Variants in RNF217 observed in about 807,000 individuals in gnomAD.
The protein encoded by RNF217 is E3 ubiquitin-protein ligase RNF217.
Under a neutral mutation model 57.8 loss-of-function variants are expected in RNF217, and 31 were observed. That is an observed-to-expected ratio of 0.54 (90% CI 0.40 to 0.72). RNF217 has a LOEUF of 0.72. Ranked by LOEUF, RNF217 falls within the 30% of genes least tolerant of loss-of-function variation. The pLI is 0.00. For synonymous variants in RNF217, 313 were observed against 294.0 expected (o/e 1.06, Z -0.66); for missense variants, 696 against 708.3 (o/e 0.98, Z 0.20).
At chr6:125,050,091 A>G (rs1426581361) in intron 2 of RNF217, among the ~76,000 whole-genome samples, 1 of 151,776 alleles carries the variant, frequency 6.6e-6, no homozygotes, top group African/African-American at 2.4e-5. Flanking sequence ...GAGAGGAGAG[A>G]TGTGTAAAGG....
intron 2 of RNF217, among the ~76,000 whole-genome samples, chr6:125,054,842 C>T (rs1382646559): frequency 6.6e-6 from 1 of 152,112 alleles, no homozygotes; most frequent in Non-Finnish European, 1.5e-5. Flanking sequence ...AACAAGTTCT[C>T]AGGTGATGCT....
At chr6:124,973,043 ATAAT>A (rs1007513131) in intron 1 of RNF217, among the ~76,000 whole-genome samples, 5 of 152,336 alleles carry the variant, frequency 3.3e-5, no homozygotes, top group East Asian at 1.9e-4. Flanking sequence ...TATTCCACAA[ATAAT>A]TAATACAGTA....
In RNF217 at chr6:125,076,704, A is replaced by G. The variant is rs1429134076; in HGVS notation, c.1329A>G (p.Gln443=). 10 of 1,613,410 alleles carry G rather than the reference A, an allele frequency of 6.2e-6. No individual in the cohort carries two copies. Among genetic ancestry groups the G allele is most frequent in the Non-Finnish European group, 8.5e-6 (10 of 1,179,632 alleles). Residue 443 remains glutamine, a synonymous_variant, in exon 4 of 6, where the codon CAA becomes CAG. Coordinates refer to ENST00000521654, the MANE Select transcript of RNF217 (RefSeq NM_001286398.3). ...GATGTGACCATATGACCTGCTCACA[A>G]TGTAACACTAATTTTTGTTACCGAT... ...TEGCDHMTCS[Q]CNTNFCYRCG...
chr6:124,996,086 G>C (rs973616323), intron 1 of RNF217, among the ~76,000 whole-genome samples: 1 of 151,998 alleles, frequency 6.6e-6, no homozygotes, highest in Non-Finnish European at 1.5e-5. Flanking sequence ...AACCTGGCTT[G>C]GTATTGCCAA....
rs1275571349 is a variant in RNF217, at chr6:125,090,178, G to GTA, written c.*7250_*7251dup. Reference sequence around the variant, plus strand: ...TGAAACATAGAATAATAATTAGTTTGTATATATATAAAACCATTTACCTTG... The same window carrying GTA: ...TGAAACATAGAATAATAATTAGTTTGTATATATATATAAAACCATTTACCTTG... On this transcript the variant is annotated 3_prime_UTR_variant, in exon 6 of 6. Coordinates refer to ENST00000521654, the MANE Select transcript of RNF217 (RefSeq NM_001286398.3). The GTA allele has an allele frequency of 2.0e-5, 3 of 151,900 alleles. No individual in the cohort carries two copies. The highest frequency in any genetic ancestry group is 2.9e-5 in the Non-Finnish European group (2 of 67,930). 9.4% of individuals were successfully genotyped at this position (151,900 alleles called of 1,614,324 possible).
intron 1 of RNF217, among the ~76,000 whole-genome samples, chr6:124,979,252 G>A (rs1018212258): frequency 1.3e-5 from 2 of 152,180 alleles, no homozygotes; most frequent in Non-Finnish European, 2.9e-5. Flanking sequence ...GTTCTAGGAA[G>A]AGAAAGCTGT....
Position 125,010,517 on chromosome 6 carries a change from C to T in RNF217, c.883-34694C>T, listed in dbSNP as rs75591276. ...ATTTGGATGTCTATACCAATTTCCA[C>T]TTCTTCTGATGCAAACAGTTTCACA... On this transcript the variant is annotated intron_variant, in intron 1 of 5. Transcript: ENST00000521654. 1.2e-3 allele frequency among the ~76,000 whole-genome samples: 181 copies of T among 152,302 alleles called. 4 individuals carry two copies. In the East Asian group the frequency reaches 0.028, roughly 23 times the overall value.
chr6:125,007,668 GTTC>G (rs1378278296), intron 1 of RNF217, among the ~76,000 whole-genome samples: 2 of 152,064 alleles, frequency 1.3e-5, no homozygotes, highest in African/African-American at 4.8e-5. Context: ...ATGTTTTCTT[GTTC>G]TTAACTGTGG....
chr6:125,025,055 G>C (rs1407837165), intron 1 of RNF217, among the ~76,000 whole-genome samples: 2 of 152,160 alleles, frequency 1.3e-5, no homozygotes, highest in African/African-American at 2.4e-5. Context: ...GGAGGATACA[G>C]GGGACAGAAA....
At chr6:124,983,191 T>G (rs1159740995) in intron 1 of RNF217, among the ~76,000 whole-genome samples, 1 of 152,222 alleles carries the variant, frequency 6.6e-6, no homozygotes, top group Non-Finnish European at 1.5e-5. Flanking sequence ...AATTTTTATC[T>G]TATGAGTGGG....
chr6:124,981,983 G>A (rs1441945676), intron 1 of RNF217, among the ~76,000 whole-genome samples: 2 of 144,794 alleles, frequency 1.4e-5, no homozygotes, highest in Non-Finnish European at 3.0e-5. Flanking sequence ...AACCGAGATC[G>A]CGCCGCTGCA....
intron 3 of RNF217, among the ~76,000 whole-genome samples, chr6:125,073,144 G>A (rs551384223): frequency 2.0e-5 from 3 of 152,274 alleles, no homozygotes; most frequent in East Asian, 1.9e-4. Flanking sequence ...TTGAATGTAC[G>A]ATGCTTTGGG....
intron 2 of RNF217, among the ~76,000 whole-genome samples, chr6:125,050,479 C>T (rs1787267267): frequency 6.6e-6 from 1 of 151,790 alleles, no homozygotes; most frequent in African/African-American, 2.4e-5. Context: ...TCTTATAAAC[C>T]CTCTGAGTAG....
At chr6:125,031,102 T>A (rs1372846680) in intron 1 of RNF217, among the ~76,000 whole-genome samples, 1 of 152,234 alleles carries the variant, frequency 6.6e-6, no homozygotes, top group Admixed American at 6.5e-5. Context: ...GAGCTGTATG[T>A]TGGCCTCTTT....
intron 1 of RNF217, among the ~76,000 whole-genome samples, chr6:124,994,164 CT>C (rs1784664480): frequency 6.6e-6 from 1 of 152,046 alleles, no homozygotes; most frequent in South Asian, 2.1e-4. Flanking sequence ...GTGTGTGTAT[CT>C]TTTTGTTTTA....
intron 1 of RNF217, among the ~76,000 whole-genome samples, chr6:124,963,850 A>G (rs1370960455): frequency 6.6e-6 from 1 of 152,254 alleles, no homozygotes; most frequent in Non-Finnish European, 1.5e-5. Context: ...CAGACCCATA[A>G]TACATGAATT....
chr6:124,989,248 C>A (rs1168488932), intron 1 of RNF217, among the ~76,000 whole-genome samples: 1 of 152,042 alleles, frequency 6.6e-6, no homozygotes, highest in African/African-American at 2.4e-5. Context: ...GTATTGTATT[C>A]TTTTAGTATA....
chr6:124,985,082 C>A (rs892952953), intron 1 of RNF217, among the ~76,000 whole-genome samples: 2 of 152,128 alleles, frequency 1.3e-5, no homozygotes, highest in African/African-American at 2.4e-5. Context: ...ATGATCCATA[C>A]TAATAGGATA....
At chr6:125,061,630 T>A (rs968382150) in intron 3 of RNF217, among the ~76,000 whole-genome samples, 3 of 150,906 alleles carry the variant, frequency 2.0e-5, no homozygotes, top group African/African-American at 7.3e-5. Context: ...TAGGTTTTCG[T>A]TTTTTTTTAA....
Sources: allele counts gnomAD v4.1 joint callset (sites outside exome capture counted in the v4.1 genomes callset), GRCh38; gene constraint gnomAD v4.1.1; transcripts MANE v1.5; gene names NCBI Gene and HGNC (gene_info 2026-07-23, HGNC 2026-07-21).